Variants in TOP2A observed in about 807,000 individuals in gnomAD.
TOP2A encodes the protein DNA topoisomerase II alpha, also known as DNA topoisomerase 2-alpha.
In TOP2A, 68 loss-of-function variants were observed where a neutral mutation model predicts 187.2. That is an observed-to-expected ratio of 0.36 (90% CI 0.30 to 0.44). The LOEUF (loss-of-function observed/expected upper bound fraction) is 0.44, where lower values mean the gene tolerates loss of function less well. TOP2A is among the 20% of genes least tolerant of loss of function. The pLI, the probability that TOP2A is intolerant of heterozygous loss-of-function variation, is 1.00. For missense variants in TOP2A, 1,196 were observed against 1,808.7 expected, an observed-to-expected ratio of 0.66 and a Z score of 6.14; for synonymous variants, 542 against 593.2, an observed-to-expected ratio of 0.91 and a Z score of 1.25.
intron 10 of TOP2A, among the ~76,000 whole-genome samples, 165 bp downstream of exon 10, chr17:40,410,944 G>A (rs747124845): frequency 2.0e-5 from 3 of 152,228 alleles, no homozygotes; most frequent in Non-Finnish European, 4.4e-5. Flanking sequence ...CGGTCATTAA[G>A]TCTTTGGTAA....
chr17:40,402,794 C>G, intron 20 of TOP2A, 112 bp downstream of exon 20: 1 of 1,187,206 alleles, frequency 8.4e-7, no homozygotes, highest in Non-Finnish European at 1.2e-6. Flanking sequence ...GCCTCTGCCA[C>G]TAGATGCCAG....
rs1033684811 is a variant in TOP2A, at chr17:40,389,070, A to C, written c.*449T>G. 4.6e-6 allele frequency: 1 copy of C among 219,388 alleles called. No homozygotes were observed. Among genetic ancestry groups the C allele is most frequent in the Non-Finnish European group, 9.2e-6 (1 of 108,456 alleles). 13.6% of individuals were successfully genotyped at this position (219,388 alleles called of 1,614,324 possible). A position where few individuals can be genotyped will look rare whatever the true frequency, so the allele number is the denominator to read the frequency against. On this transcript the variant is annotated 3_prime_UTR_variant, in exon 35 of 35. Transcript: ENST00000423485. ...AACCATAAAGTTCTATCTGATGGTA[A>C]ATTATGTATAAAACTAAGATAAAAC...
At chr17:40,408,428 G>T (rs1598616764) in intron 11 of TOP2A, 64 bp downstream of exon 11, 1 of 1,438,672 alleles carries the variant, frequency 7.0e-7, no homozygotes. Flanking sequence ...TCCGTGGTAT[G>T]CCATTAATGA....
intron 7 of TOP2A, 96 bp downstream of exon 7, chr17:40,412,663 C>T: frequency 9.7e-7 from 1 of 1,031,890 alleles, no homozygotes; most frequent in Non-Finnish European, 1.4e-6. Context: ...AACAAACAAA[C>T]AAACAAAAAC....
intron 4 of TOP2A, among the ~76,000 whole-genome samples, chr17:40,414,691 T>TA (rs563230443): frequency 1.2e-4 from 18 of 151,080 alleles, no homozygotes; most frequent in East Asian, 7.9e-4. Context: ...CCATCTCTAC[T>TA]AAAAAAAATA....
chr17:40,404,635 T>C lies in TOP2A; in HGVS notation c.2047-144A>G, dbSNP rs994645475. 6 of 718,754 alleles carry C rather than the reference T, an allele frequency of 8.3e-6. No homozygotes were observed. The Admixed American group carries it at 1.5e-4, about 18-fold the overall frequency. 44.5% of individuals were successfully genotyped at this position (718,754 alleles called of 1,614,324 possible). ...TATTGAATAATACAGAAATATTTTA[T>C]ATGTTTTAAAGATAAAGCAAATTTA... is the stretch of plus-strand genomic sequence containing the variant. On this transcript the variant is annotated intron_variant, in intron 17 of 34. Coordinates refer to ENST00000423485, the MANE Select transcript of TOP2A (RefSeq NM_001067.4).
intron 27 of TOP2A, among the ~76,000 whole-genome samples, chr17:40,397,604 G>T (rs557122294): frequency 4.0e-5 from 6 of 151,836 alleles, no homozygotes; most frequent in Non-Finnish European, 8.8e-5. Context: ...CTTTTAAGTT[G>T]ACTTGGGGGA....
chr17:40,401,096 CAAAG>C lies in TOP2A; in HGVS notation c.2433-19_2433-16del. 1.3e-6 allele frequency: 2 copies of C among 1,599,594 alleles called. No individual in the cohort carries two copies. Among genetic ancestry groups the C allele is most frequent in the African/African-American group, 1.3e-5 (1 of 74,582 alleles). On this transcript the variant is annotated splice_polypyrimidine_tract_variant and intron_variant, in intron 20 of 34. Coordinates refer to ENST00000423485, the MANE Select transcript of TOP2A (RefSeq NM_001067.4). ...GAGCCAAAGAGCTAAAGAAAAGAAA[CAAAG>C]AATGTTATTTTACAAAAATACTGAA...
At chr17:40,392,944 T>C (rs1244086594) in intron 29 of TOP2A, among the ~76,000 whole-genome samples, 2 of 152,190 alleles carry the variant, frequency 1.3e-5, no homozygotes, top group African/African-American at 2.4e-5. Flanking sequence ...CAGTGGCTCA[T>C]GCCTGTAATC....
chr17:40,408,832 C>T (rs190893078), intron 10 of TOP2A: 13 of 682,522 alleles, frequency 1.9e-5, no homozygotes, highest in Middle Eastern at 2.3e-4. Context: ...TTGGTTCATT[C>T]GTTCAATAAA....
intron 11 of TOP2A, 95 bp downstream of exon 11, chr17:40,408,397 C>T: frequency 1.6e-6 from 2 of 1,286,430 alleles, no homozygotes; most frequent in East Asian, 4.9e-5. Context: ...TATAGTTATT[C>T]TGTCAAGGGA....
rs762382936 is a variant in TOP2A, at chr17:40,400,026, C to T, written c.3042G>A (p.Thr1014=). 25 of 1,611,478 alleles carry T rather than the reference C, an allele frequency of 1.6e-5. No homozygotes were observed. Among genetic ancestry groups the T allele is most frequent in the South Asian group, 2.2e-5 (2 of 90,508 alleles). ...DHVGCLKKYD[T]VLDILRDFFE... is the part of the protein sequence containing the mutation. ...AAAAGTCTCTTAGAATATCCAACAC[C>T]GTGTCATATTTCTTTAAACAGCCTA... The change falls in exon 24 of 35, where the codon ACG becomes ACA. Residue 1014 remains threonine (T), a synonymous_variant. Coordinates refer to ENST00000423485, the MANE Select transcript of TOP2A (RefSeq NM_001067.4).
chr17:40,413,418 G>T, intron 5 of TOP2A, 62 bp downstream of exon 5: 1 of 1,412,518 alleles, frequency 7.1e-7, no homozygotes, highest in Non-Finnish European at 9.5e-7. Context: ...TCATGCCACA[G>T]ACAGTCATTT....
chr17:40,417,010 T>C (rs996293151), intron 1 of TOP2A, 115 bp from the exon 2 acceptor site: 7 of 919,820 alleles, frequency 7.6e-6, no homozygotes, highest in Middle Eastern at 3.4e-4. Flanking sequence ...AATCTGTTAG[T>C]AGGCAGTGGT....
chr17:40,399,942 A>G lies in TOP2A; in HGVS notation c.3126T>C (p.Gly1042=). ...LRKEWLLGML[G]AESAKLNNQA... ...GATTATTCAGTTTAGCAGATTCAGCACCAAGCATTCCTAGGAGCCATTCTT... is the reference window on the plus strand; with the variant it reads ...GATTATTCAGTTTAGCAGATTCAGCGCCAAGCATTCCTAGGAGCCATTCTT... Residue 1042 remains glycine (G), a synonymous_variant, in exon 24 of 35, where the codon GGT becomes GGC. Coordinates refer to ENST00000423485, the MANE Select transcript of TOP2A (RefSeq NM_001067.4). 6.2e-7 allele frequency: 1 copy of G among 1,613,316 alleles called. No individual in the cohort carries two copies. Among genetic ancestry groups the G allele is most frequent in the Non-Finnish European group, 8.5e-7 (1 of 1,179,612 alleles).
chr17:40,392,685 T>TC lies in TOP2A; in HGVS notation c.3863dup (p.Lys1290GlufsTer7). The TC allele has an allele frequency of 6.2e-7, 1 of 1,613,270 alleles. No individual in the cohort carries two copies. Among genetic ancestry groups the TC allele is most frequent in the Non-Finnish European group, 8.5e-7 (1 of 1,179,826 alleles). Reference sequence around the variant, plus strand: ...AATCAGACCAGGGATTTCTCTTCTTTCCTTTTTTGATTGGCTTAAATGCCA... The same window carrying TC: ...AATCAGACCAGGGATTTCTCTTCTTTCCCTTTTTTGATTGGCTTAAATGCCA... On this transcript the variant is annotated frameshift_variant, in exon 30 of 35. Coordinates refer to ENST00000423485, the MANE Select transcript of TOP2A (RefSeq NM_001067.4). LOFTEE classifies it high-confidence loss of function.
At chr17:40,404,031 T>G in intron 19 of TOP2A, 121 bp downstream of exon 19, 1 of 1,303,358 alleles carries the variant, frequency 7.7e-7, no homozygotes, top group Non-Finnish European at 1.0e-6. Context: ...TTTCACAGGT[T>G]TTACCAACTT....
chr17:40,407,868 A>G lies in TOP2A; in HGVS notation c.1500+99T>C, dbSNP rs536917678. The G allele has an allele frequency of 3.7e-6, 5 of 1,363,578 alleles. No individual in the cohort carries two copies. In the African/African-American group the frequency reaches 7.3e-5, roughly 20 times the overall value. The allele number at this position is 1,363,578 out of a possible 1,614,324, so 84.5% of individuals were successfully genotyped here. On this transcript the variant is annotated intron_variant, in intron 12 of 34. Coordinates refer to ENST00000423485, the MANE Select transcript of TOP2A (RefSeq NM_001067.4). ...TTCTCAAAATAAGCACAAATTGTCTAAAATATATTTTAAAATGCCTAATGA... is the reference window on the plus strand; with the variant it reads ...TTCTCAAAATAAGCACAAATTGTCTGAAATATATTTTAAAATGCCTAATGA...
chr17:40,398,206 C>T (rs1036302793), intron 27 of TOP2A, among the ~76,000 whole-genome samples: 6 of 143,444 alleles, frequency 4.2e-5, no homozygotes, highest in East Asian at 4.1e-4. Context: ...CTCTGCCTCT[C>T]GGTTCAAGCA....
Sources: gnomAD v4.1 joint callset for allele counts (sites outside exome capture counted in the v4.1 genomes callset) on GRCh38, gnomAD v4.1.1 for gene constraint, MANE v1.5 for transcripts, NCBI Gene and HGNC (gene_info 2026-07-23, HGNC 2026-07-21) for gene names.